Variants in CSMD1 observed in about 807,000 individuals in gnomAD.
The protein encoded by CSMD1 is CUB and sushi domain-containing protein 1.
A neutral mutation model predicts 417.5 loss-of-function variants in CSMD1; 213 were observed. The observed-to-expected ratio is 0.51, with a 90% CI of 0.46 to 0.57. The LOEUF (loss-of-function observed/expected upper bound fraction) is 0.57, where lower values mean the gene tolerates loss of function less well. CSMD1 is among the 20% of genes least tolerant of loss of function. The pLI, the probability that CSMD1 is intolerant of heterozygous loss-of-function variation, is 0.00. For synonymous variants in CSMD1, 2,862 were observed against 1,736.8 expected (o/e 1.65, Z -16.11); for missense variants, 6,923 against 4,529.7 (o/e 1.53, Z -15.17).
chr8:3,705,138 G>A (rs1801092800), intron 7 of CSMD1, among the ~76,000 whole-genome samples: 2 of 152,144 alleles, frequency 1.3e-5, no homozygotes, highest in African/African-American at 2.4e-5. Flanking sequence ...TGAATCTGGG[G>A]ACACCACCAG....
chr8:3,477,397 T>G (rs767229287), intron 11 of CSMD1, among the ~76,000 whole-genome samples: 3 of 152,224 alleles, frequency 2.0e-5, no homozygotes, highest in Admixed American at 2.0e-4. Flanking sequence ...ACGAATGGCA[T>G]AAATTGTTCA....
Position 4,774,015 on chromosome 8 carries a change from G to A in CSMD1, c.86-136457C>T, listed in dbSNP as rs144527458. ...GTTCAAGACCAGCCTGGCCAACATG[G>A]TGAAACCCCAACTCTACTAAAAATA... On this transcript the variant is annotated intron_variant, in intron 1 of 69. Transcript: ENST00000635120. 5.9e-3 allele frequency among the ~76,000 whole-genome samples: 900 copies of A among 152,152 alleles called. 12 individuals are homozygous for A. The highest frequency in any genetic ancestry group is 0.021 in the African/African-American group (862 of 41,504).
At chr8:3,581,009 G>T (rs114508142) in intron 9 of CSMD1, among the ~76,000 whole-genome samples, 1 of 152,010 alleles carries the variant, frequency 6.6e-6, no homozygotes, top group East Asian at 1.9e-4. Flanking sequence ...TAGCTCACAG[G>T]TAACCACAGT....
At chr8:4,725,236 A>G (rs1288727136) in intron 1 of CSMD1, among the ~76,000 whole-genome samples, 1 of 152,208 alleles carries the variant, frequency 6.6e-6, no homozygotes, top group Non-Finnish European at 1.5e-5. Context: ...GCTGTTTAGT[A>G]TCACGAGCAA....
At chr8:4,668,625 C>A (rs946401539) in intron 1 of CSMD1, among the ~76,000 whole-genome samples, 4 of 151,436 alleles carry the variant, frequency 2.6e-5, no homozygotes, top group Non-Finnish European at 5.9e-5. Flanking sequence ...AATTTTTTTG[C>A]ATTTTTAGTA....
At chr8:3,462,198 G>C (rs1487722278) in intron 12 of CSMD1, among the ~76,000 whole-genome samples, 1 of 152,060 alleles carries the variant, frequency 6.6e-6, no homozygotes, top group Non-Finnish European at 1.5e-5. Context: ...CAGTGTTCTG[G>C]TCCCTCCCTG....
At chr8:4,089,556 G>A (rs1472563861) in intron 3 of CSMD1, among the ~76,000 whole-genome samples, 1 of 152,110 alleles carries the variant, frequency 6.6e-6, no homozygotes, top group Non-Finnish European at 1.5e-5. Flanking sequence ...TTTGGATTCT[G>A]ACTTGCATTA....
At chr8:4,185,878 A>C (rs375465942) in intron 3 of CSMD1, among the ~76,000 whole-genome samples, 1 of 152,212 alleles carries the variant, frequency 6.6e-6, no homozygotes, top group East Asian at 1.9e-4. Context: ...CCTGAGTACT[A>C]AGATCACGGC....
chr8:4,865,234 A>G (rs555260094), intron 1 of CSMD1, among the ~76,000 whole-genome samples: 2 of 151,986 alleles, frequency 1.3e-5, no homozygotes, highest in South Asian at 2.1e-4. Flanking sequence ...AAAATTAAAT[A>G]CTTGTACCAA....
intron 1 of CSMD1, among the ~76,000 whole-genome samples, chr8:4,717,330 C>T (rs866967907): frequency 4.3e-4 from 41 of 95,250 alleles, no homozygotes; most frequent in African/African-American, 2.6e-3. Flanking sequence ...TATATATACA[C>T]ACACACACGT....
chr8:3,793,305 C>T (rs1799853247), intron 5 of CSMD1, among the ~76,000 whole-genome samples: 1 of 152,208 alleles, frequency 6.6e-6, no homozygotes, highest in African/African-American at 2.4e-5. Context: ...TTTAGAATTT[C>T]CATTCCCATC....
chr8:3,019,582 T>C (rs1387391141), intron 51 of CSMD1, among the ~76,000 whole-genome samples: 1 of 152,154 alleles, frequency 6.6e-6, no homozygotes, highest in Admixed American at 6.5e-5. Flanking sequence ...ACACAGGGCA[T>C]TTGGAGGCTT....
chr8:3,778,849 T>C (rs2623659), intron 5 of CSMD1, among the ~76,000 whole-genome samples: 43,782 of 152,046 alleles, frequency 0.29, 7,018 homozygotes, highest in East Asian at 0.46. Flanking sequence ...CATTGAATAC[T>C]CAGTTGAGAA....
At chr8:3,640,488 T>A (rs751492502) in intron 7 of CSMD1, among the ~76,000 whole-genome samples, 5 of 152,192 alleles carry the variant, frequency 3.3e-5, no homozygotes, top group Non-Finnish European at 5.9e-5. Flanking sequence ...TTTTGTCTAA[T>A]CAGTTAATGG....
intron 3 of CSMD1, among the ~76,000 whole-genome samples, chr8:4,322,163 T>G (rs888576530): frequency 1.3e-5 from 2 of 152,226 alleles, no homozygotes; most frequent in Admixed American, 1.3e-4. Flanking sequence ...GAAATAACAT[T>G]GCTAAAAGTT....
chr8:4,966,732 G>C (rs553051324), intron 1 of CSMD1, among the ~76,000 whole-genome samples: 9 of 152,188 alleles, frequency 5.9e-5, no homozygotes, highest in African/African-American at 1.2e-4. Context: ...AACTAAAAAG[G>C]ACTATAAAAT....
At chr8:4,104,851 T>C (rs555129481) in intron 3 of CSMD1, among the ~76,000 whole-genome samples, 2 of 152,210 alleles carry the variant, frequency 1.3e-5, no homozygotes. Flanking sequence ...TCTGAGTGCT[T>C]AGCCTTACAT....
At chr8:4,940,905 C>A (rs904124598) in intron 1 of CSMD1, among the ~76,000 whole-genome samples, 2 of 152,136 alleles carry the variant, frequency 1.3e-5, no homozygotes, top group African/African-American at 4.8e-5. Flanking sequence ...TTTCTTTATT[C>A]TCCAAGAGGA....
intron 1 of CSMD1, among the ~76,000 whole-genome samples, chr8:4,935,930 G>T (rs1051745525): frequency 2.6e-5 from 4 of 152,210 alleles, no homozygotes; most frequent in Admixed American, 6.5e-5. Flanking sequence ...ATGCCACGCT[G>T]CCGCTCAGAA....
Sources: gnomAD v4.1 joint callset for allele counts (sites outside exome capture counted in the v4.1 genomes callset) on GRCh38, gnomAD v4.1.1 for gene constraint, MANE v1.5 for transcripts, NCBI Gene and HGNC (gene_info 2026-07-23, HGNC 2026-07-21) for gene names.